Variants in LURAP1L observed in about 807,000 individuals in gnomAD.
The protein encoded by LURAP1L is leucine rich adaptor protein 1 like.
In LURAP1L, 12 loss-of-function variants were observed where a neutral mutation model predicts 13.8. The observed-to-expected ratio is 0.87, with a 90% CI of 0.56 to 1.41. LURAP1L has a LOEUF of 1.41. LURAP1L is among the 40% of genes most tolerant of loss of function. The pLI is 0.00. For missense variants in LURAP1L, 375 were observed against 292.9 expected, an observed-to-expected ratio of 1.28 and a Z score of -2.04; for synonymous variants, 139 against 119.2, an observed-to-expected ratio of 1.17 and a Z score of -1.08.
chr9:12,776,943 T>G (rs975614888), intron 1 of LURAP1L, among the ~76,000 whole-genome samples: 4 of 151,912 alleles, frequency 2.6e-5, no homozygotes, highest in African/African-American at 9.7e-5. Context: ...GAGAAAATGA[T>G]CCCTCCCTAA....
chr9:12,821,891 T>C lies in LURAP1L; in HGVS notation c.*131T>C, dbSNP rs1563901523. ...AAAAGAAGCTGATTTTGAAACTGCTTAATGGTATTGCTGTTGCTCCTAATA... is the reference window on the plus strand; with the variant it reads ...AAAAGAAGCTGATTTTGAAACTGCTCAATGGTATTGCTGTTGCTCCTAATA... On this transcript the variant is annotated 3_prime_UTR_variant, in exon 2 of 2. Coordinates refer to ENST00000319264, the MANE Select transcript of LURAP1L (RefSeq NM_203403.2). The C allele has an allele frequency of 1.5e-5, 16 of 1,061,344 alleles. No individual in the cohort carries two copies. The East Asian group carries it at 3.8e-4, about 25-fold the overall frequency. The allele number at this position is 1,061,344 out of a possible 1,614,324, so 65.7% of individuals were successfully genotyped here.
intron 1 of LURAP1L, among the ~76,000 whole-genome samples, chr9:12,791,217 A>G (rs1206319580): frequency 6.6e-6 from 1 of 152,176 alleles, no homozygotes; most frequent in Non-Finnish European, 1.5e-5. Context: ...TTCCAGAATT[A>G]TAATGAATTT....
chr9:12,783,923 GCTCA>G (rs1819312556), intron 1 of LURAP1L, among the ~76,000 whole-genome samples: 1 of 150,230 alleles, frequency 6.7e-6, no homozygotes, highest in East Asian at 2.0e-4. Context: ...ATGTCTTCAA[GCTCA>G]CTAATTCTTT....
chr9:12,782,554 G>A (rs949994417), intron 1 of LURAP1L, among the ~76,000 whole-genome samples: 2 of 152,170 alleles, frequency 1.3e-5, no homozygotes, highest in African/African-American at 4.8e-5. Flanking sequence ...CTGTAGGTAT[G>A]TGAATTTGTT....
At chr9:12,798,724 A>T (rs1007633382) in intron 1 of LURAP1L, among the ~76,000 whole-genome samples, 10 of 152,236 alleles carry the variant, frequency 6.6e-5, no homozygotes, top group Admixed American at 5.2e-4. Context: ...ATTATCAGAT[A>T]TAAGGAATAC....
chr9:12,783,995 A>C (rs1284781050), intron 1 of LURAP1L, among the ~76,000 whole-genome samples: 1 of 152,062 alleles, frequency 6.6e-6, no homozygotes, highest in Non-Finnish European at 1.5e-5. Flanking sequence ...ATGTCAATTC[A>C]ATTGTTTAGC....
chr9:12,797,536 G>T (rs191367080), intron 1 of LURAP1L, among the ~76,000 whole-genome samples: 24 of 152,198 alleles, frequency 1.6e-4, no homozygotes, highest in African/African-American at 5.5e-4. Flanking sequence ...TTTTAAACCT[G>T]TATCTACCAG....
intron 1 of LURAP1L, among the ~76,000 whole-genome samples, chr9:12,779,937 C>A (rs1819246360): frequency 6.6e-6 from 1 of 152,152 alleles, no homozygotes; most frequent in Admixed American, 6.5e-5. Flanking sequence ...CATAATCATA[C>A]CCTTTCCTTT....
At chr9:12,784,591 C>T (rs1819323448) in intron 1 of LURAP1L, among the ~76,000 whole-genome samples, 2 of 152,122 alleles carry the variant, frequency 1.3e-5, no homozygotes, top group African/African-American at 2.4e-5. Context: ...GGAGGGGTGA[C>T]ACGAGCACCT....
intron 1 of LURAP1L, among the ~76,000 whole-genome samples, chr9:12,810,390 C>T (rs2118534556): frequency 6.6e-6 from 1 of 152,256 alleles, no homozygotes; most frequent in East Asian, 1.9e-4. Context: ...TGTCTGTCTT[C>T]CAGGGCTGCA....
intron 1 of LURAP1L, among the ~76,000 whole-genome samples, chr9:12,797,011 T>G (rs1819519780): frequency 6.6e-6 from 1 of 152,064 alleles, no homozygotes; most frequent in Admixed American, 6.6e-5. Flanking sequence ...TTATTGTTTA[T>G]GCTATTATTA....
chr9:12,808,261 G>T (rs1403805834), intron 1 of LURAP1L, among the ~76,000 whole-genome samples: 1 of 151,550 alleles, frequency 6.6e-6, no homozygotes, highest in African/African-American at 2.4e-5. Flanking sequence ...CAAGTCTACT[G>T]GTGACAAATT....
intron 1 of LURAP1L, among the ~76,000 whole-genome samples, chr9:12,810,475 T>C (rs1819721773): frequency 6.6e-6 from 1 of 152,198 alleles, no homozygotes; most frequent in Non-Finnish European, 1.5e-5. Context: ...GCTTTTTTTC[T>C]TGTTATGAAG....
intron 1 of LURAP1L, among the ~76,000 whole-genome samples, chr9:12,812,817 C>G (rs1819756377): frequency 6.6e-6 from 1 of 152,076 alleles, no homozygotes; most frequent in South Asian, 2.1e-4. Context: ...ATATAGCCAT[C>G]AAAAATTATT....
chr9:12,817,596 T>G (rs1331253926), intron 1 of LURAP1L, among the ~76,000 whole-genome samples: 1 of 152,204 alleles, frequency 6.6e-6, no homozygotes, highest in African/African-American at 2.4e-5. Flanking sequence ...ACATTTAAAC[T>G]CAGACCTTTA....
At chr9:12,792,944 C>T (rs577062327) in intron 1 of LURAP1L, among the ~76,000 whole-genome samples, 51 of 151,800 alleles carry the variant, frequency 3.4e-4, no homozygotes, top group African/African-American at 1.1e-3. Context: ...TTGAAGATGC[C>T]GGAATAATTA....
intron 1 of LURAP1L, among the ~76,000 whole-genome samples, chr9:12,783,677 G>A (rs967728509): frequency 5.3e-5 from 8 of 151,780 alleles, no homozygotes; most frequent in African/African-American, 9.7e-5. Context: ...TTTTTGATAC[G>A]TCTTTGCTTG....
rs771552840 is a variant in LURAP1L, at chr9:12,821,606, C to G, written c.533C>G (p.Ser178Cys). The G allele has an allele frequency of 6.2e-7, 1 of 1,614,142 alleles. No homozygotes were observed. Among genetic ancestry groups the G allele is most frequent in the East Asian group, 2.2e-5 (1 of 44,868 alleles). The change falls in exon 2 of 2, where the codon TCC (serine) becomes TGC (cysteine). Residue 178 changes from serine to cysteine, a missense_variant. Ser to Cys is a moderately radical substitution (Grantham distance 112). Coordinates refer to ENST00000319264, the MANE Select transcript of LURAP1L (RefSeq NM_203403.2). ...HDGSDGLDGI[S>C]VGSYLDTLAD... ...GGCAGTGATGGGCTGGATGGCATTT[C>G]CGTGGGAAGTTATCTGGACACGTTG...
intron 1 of LURAP1L, among the ~76,000 whole-genome samples, chr9:12,799,100 C>T (rs556320430): frequency 2.0e-4 from 31 of 152,010 alleles, no homozygotes; most frequent in South Asian, 4.2e-4. Context: ...TTTAGTATTG[C>T]GGAAAAAAGG....
Sources: gnomAD v4.1 joint callset for allele counts (sites outside exome capture counted in the v4.1 genomes callset) on GRCh38, gnomAD v4.1.1 for gene constraint, MANE v1.5 for transcripts, NCBI Gene and HGNC (gene_info 2026-07-23, HGNC 2026-07-21) for gene names.